DLGAP2: variants seen among roughly 807,000 people sequenced by gnomAD.
DLGAP2 encodes DLG associated protein 2.
A neutral mutation model predicts 100.3 loss-of-function variants in DLGAP2; 26 were observed. The observed-to-expected ratio is 0.26, with a 90% confidence interval of 0.19 to 0.36. The LOEUF is 0.36. Ranked by LOEUF, DLGAP2 falls within the 10% of genes least tolerant of loss-of-function variation. The pLI, the probability that DLGAP2 is intolerant of heterozygous loss-of-function variation, is 1.00. For synonymous variants in DLGAP2, 886 were observed against 630.1 expected (o/e 1.41, Z -6.08); for missense variants, 1,858 against 1,453.2 (o/e 1.28, Z -4.53).
chr8:1,217,029 G>C (rs1438486638), intron 2 of DLGAP2, among the ~76,000 whole-genome samples: 1 of 152,020 alleles, frequency 6.6e-6, no homozygotes, highest in Non-Finnish European at 1.5e-5. Context: ...GCCTAGCTGG[G>C]GTTTGGTGTA....
At chr8:1,594,208 A>C (rs911888108) in intron 6 of DLGAP2, among the ~76,000 whole-genome samples, 4 of 152,220 alleles carry the variant, frequency 2.6e-5, no homozygotes, top group African/African-American at 9.6e-5. Context: ...AAAGTCAAGG[A>C]AAATGAAAAC....
intron 3 of DLGAP2, among the ~76,000 whole-genome samples, chr8:1,485,559 A>G (rs1383787141): frequency 6.6e-6 from 1 of 152,226 alleles, no homozygotes; most frequent in Non-Finnish European, 1.5e-5. Context: ...CGTTGCGTCC[A>G]TGTGAAGATG....
At chr8:1,345,579 G>C (rs757993717) in intron 3 of DLGAP2, among the ~76,000 whole-genome samples, 1 of 152,210 alleles carries the variant, frequency 6.6e-6, no homozygotes, top group Non-Finnish European at 1.5e-5. Context: ...ACATTGTGTG[G>C]ATGTAATTCC....
chr8:1,163,767 C>G (rs890346772), intron 2 of DLGAP2, among the ~76,000 whole-genome samples: 1 of 152,338 alleles, frequency 6.6e-6, no homozygotes, highest in East Asian at 1.9e-4. Flanking sequence ...CAGGACTTTC[C>G]TGCCTTCTGT....
rs75413971 is a variant in DLGAP2 at position 1,428,000 on chromosome 8, A to T, written c.107-73366A>T. Reference sequence around the variant, plus strand: ...CAGCTAAAATGCAACTTAGATTGCAACCTTAAAAGTTCATACATGTATTTA... The same window carrying T: ...CAGCTAAAATGCAACTTAGATTGCATCCTTAAAAGTTCATACATGTATTTA... On this transcript the variant is annotated intron_variant, in intron 3 of 14. Transcript: ENST00000637795. Among the ~76,000 whole-genome samples the T allele has an allele frequency of 1.0e-3, 154 of 152,348 alleles. 1 individual carries two copies. The highest frequency in any genetic ancestry group is 3.5e-3 in the African/African-American group (147 of 41,586).
intron 3 of DLGAP2, among the ~76,000 whole-genome samples, chr8:1,493,377 G>C (rs561559619): frequency 3.7e-4 from 57 of 152,286 alleles, no homozygotes; most frequent in Non-Finnish European, 8.1e-4. Context: ...CATCTCCGCA[G>C]CTCTGAGACG....
In DLGAP2 at chr8:1,067,081, C is replaced by G. The variant is rs150125598; in HGVS notation, c.73+159115C>G. On this transcript the variant is annotated intron_variant, in intron 2 of 14. Transcript: ENST00000637795. Reference sequence around the variant, plus strand: ...TCCCTCCTTCAGGTTCCGTCTGATCCCAGGTGGGTGGGTGGCTCTGACCCA... The same window carrying G: ...TCCCTCCTTCAGGTTCCGTCTGATCGCAGGTGGGTGGGTGGCTCTGACCCA... Among the ~76,000 whole-genome samples the G allele has an allele frequency of 3.6e-3, 548 of 152,240 alleles. 4 individuals are homozygous for G. The highest frequency in any genetic ancestry group is 0.013 in the African/African-American group (527 of 41,550).
intron 2 of DLGAP2, among the ~76,000 whole-genome samples, chr8:921,101 C>T (rs1221620082): frequency 6.6e-6 from 1 of 152,192 alleles, no homozygotes; most frequent in African/African-American, 2.4e-5. Context: ...CCTTGTCTTC[C>T]TTCTTTAACT....
At chr8:1,487,243 T>C (rs1363358767) in intron 3 of DLGAP2, among the ~76,000 whole-genome samples, 1 of 152,196 alleles carries the variant, frequency 6.6e-6, no homozygotes, top group African/African-American at 2.4e-5. Flanking sequence ...ACAAATGCCA[T>C]TCACTGTTAT....
chr8:1,201,066 C>T (rs145281259), intron 2 of DLGAP2, among the ~76,000 whole-genome samples: 113 of 152,298 alleles, frequency 7.4e-4, no homozygotes, highest in African/African-American at 2.6e-3. Context: ...AGGCGGGTGC[C>T]GAGATGCCCA....
intron 2 of DLGAP2, among the ~76,000 whole-genome samples, chr8:961,579 G>A (rs999342037): frequency 6.6e-6 from 1 of 152,160 alleles, no homozygotes; most frequent in Non-Finnish European, 1.5e-5. Flanking sequence ...GCAACAGTGG[G>A]ACCTGTCATT....
intron 5 of DLGAP2, among the ~76,000 whole-genome samples, chr8:1,563,942 A>G (rs1157818524): frequency 6.6e-6 from 1 of 152,206 alleles, no homozygotes; most frequent in East Asian, 1.9e-4. Context: ...GCAAGGAAAA[A>G]AAATACCCTG....
chr8:1,663,619 C>G (rs926490095), intron 8 of DLGAP2, among the ~76,000 whole-genome samples: 1 of 152,132 alleles, frequency 6.6e-6, no homozygotes, highest in Non-Finnish European at 1.5e-5. Flanking sequence ...AGAAGCCCCC[C>G]TTTCCCTTGC....
chr8:999,295 C>T (rs545163083), intron 2 of DLGAP2, among the ~76,000 whole-genome samples: 2 of 151,644 alleles, frequency 1.3e-5, no homozygotes, highest in Non-Finnish European at 2.9e-5. Context: ...GTGCCTGTGA[C>T]CCTTCCTGTG....
intron 1 of DLGAP2, among the ~76,000 whole-genome samples, chr8:906,541 G>A (rs934753027): frequency 1.1e-4 from 17 of 152,216 alleles, no homozygotes; most frequent in Non-Finnish European, 2.4e-4. Context: ...TTGAGTGTGT[G>A]TGTGTGTTCT....
At chr8:826,106 A>G (rs187969808) in intron 1 of DLGAP2, among the ~76,000 whole-genome samples, 2 of 152,350 alleles carry the variant, frequency 1.3e-5, no homozygotes, top group Admixed American at 6.5e-5. Context: ...CTTATTTCAC[A>G]TAACACAATC....
intron 2 of DLGAP2, among the ~76,000 whole-genome samples, chr8:1,024,441 C>T (rs932878614): frequency 6.6e-6 from 1 of 152,154 alleles, no homozygotes; most frequent in Non-Finnish European, 1.5e-5. Flanking sequence ...AGCCGCCACC[C>T]ACCCTCCCTG....
intron 8 of DLGAP2, among the ~76,000 whole-genome samples, chr8:1,660,054 C>G (rs1480014224): frequency 6.6e-6 from 1 of 152,134 alleles, no homozygotes; most frequent in East Asian, 1.9e-4. Context: ...ACAAAAAGCT[C>G]TCAGCATCTG....
chr8:1,054,241 TAC>T (rs1037070553), intron 2 of DLGAP2, among the ~76,000 whole-genome samples: 20 of 151,768 alleles, frequency 1.3e-4, no homozygotes, highest in African/African-American at 3.4e-4. Context: ...TATGCACATG[TAC>T]ACACACGTAC....
Sources: gnomAD v4.1 joint callset for allele counts (sites outside exome capture counted in the v4.1 genomes callset) on GRCh38, gnomAD v4.1.1 for gene constraint, MANE v1.5 for transcripts, NCBI Gene and HGNC (gene_info 2026-07-23, HGNC 2026-07-21) for gene names.